STAU1: variants seen among roughly 807,000 people sequenced by gnomAD.
The protein encoded by STAU1 is staufen double-stranded RNA binding protein 1, also known as double-stranded RNA-binding protein Staufen homolog 1.
A neutral mutation model predicts 62.9 loss-of-function variants in STAU1; 13 were observed. That is an observed-to-expected ratio of 0.21 (90% CI 0.13 to 0.33). STAU1 has a LOEUF of 0.33. STAU1 is among the 10% of genes least tolerant of loss of function. The probability of loss-of-function intolerance (pLI) is 1.00; values close to 1 mark genes in which losing one functional copy is unlikely to be tolerated. For missense variants in STAU1, 571 were observed against 712.1 expected, an observed-to-expected ratio of 0.80 and a Z score of 2.25; for synonymous variants, 269 against 265.1, an observed-to-expected ratio of 1.01 and a Z score of -0.14.
At position 49,135,709 on chromosome 20, in the gene STAU1, C is replaced by A. The variant is rs79153528; in HGVS notation, c.609+124G>T. 3.5e-3 allele frequency: 2,597 copies of A among 744,150 alleles called. 49 individuals carry two copies. The African/African-American group carries it at 0.04, about 12-fold the overall frequency. 46.1% of individuals were successfully genotyped at this position (744,150 alleles called of 1,614,324 possible). ...GCTTCACTAAATATAAAGTATGAAT[C>A]TTAAATTTGGAGGTTCACATTATGT... On this transcript the variant is annotated intron_variant, in intron 6 of 13. Transcript: ENST00000371856.
chr20:49,114,800 A>G lies in STAU1; in HGVS notation c.*78T>C. 6.8e-7 allele frequency: 1 copy of G among 1,464,170 alleles called. No homozygotes were observed. Among genetic ancestry groups the G allele is most frequent in the Admixed American group, 1.7e-5 (1 of 57,284 alleles). 90.7% of individuals were successfully genotyped at this position (1,464,170 alleles called of 1,614,324 possible). A position where few individuals can be genotyped will look rare whatever the true frequency, so the allele number is the denominator to read the frequency against. On this transcript the variant is annotated 3_prime_UTR_variant, in exon 14 of 14. Transcript: ENST00000371856. ...TCTCGGCCCACTGGAGGTATCAGAAATTCCAAATTTTCAAAGCAGTTTCAG... is the reference window on the plus strand; with the variant it reads ...TCTCGGCCCACTGGAGGTATCAGAAGTTCCAAATTTTCAAAGCAGTTTCAG...
At chr20:49,143,161 G>A (rs533838122) in intron 5 of STAU1, among the ~76,000 whole-genome samples, 1 of 152,098 alleles carries the variant, frequency 6.6e-6, no homozygotes, top group Non-Finnish European at 1.5e-5. Flanking sequence ...GCAGCAAATG[G>A]TTCAAAACTA....
intron 3 of STAU1, among the ~76,000 whole-genome samples, chr20:49,157,553 C>T (rs1461703869): frequency 2.6e-5 from 4 of 151,862 alleles, no homozygotes; most frequent in African/African-American, 7.3e-5. Context: ...GATCTCAGCT[C>T]ACTGCAACCT....
chr20:49,158,579 G>A (rs2093400347), intron 3 of STAU1: 2 of 1,132,350 alleles, frequency 1.8e-6, no homozygotes, highest in Admixed American at 2.3e-5. Context: ...GGAGGCCAAG[G>A]CAGGCAGATC....
At chr20:49,203,439 T>A in the STAU1 span, among the ~76,000 whole-genome samples, 1 of 152,004 alleles carries the variant, frequency 6.6e-6, no homozygotes, top group Non-Finnish European at 1.5e-5. Flanking sequence ...TCAATAAAAT[T>A]GATAAGTTTC....
rs2093313266 is a variant in STAU1 at position 49,153,984 on chromosome 20, C to T, written c.293G>A (p.Arg98Gln). Reference sequence around the variant, plus strand: ...GTTGTAGTTATAGGTGGACTGCATCCGAGAGTAAGGGTCAACAGGCTTATA... The same window carrying T: ...GTTGTAGTTATAGGTGGACTGCATCTGAGAGTAAGGGTCAACAGGCTTATA... ...PMYKPVDPYS[R>Q]MQSTYNYNMR... The change falls in exon 4 of 14, where the codon CGG (arginine) becomes CAG (glutamine). Residue 98 changes from arginine to glutamine, a missense_variant. Arg to Gln is a conservative substitution (Grantham distance 43, BLOSUM62 1). Around this residue, in one of 3 missense-constraint regions of STAU1, gnomAD observed 414 missense variants for 499.6 expected, o/e 0.83. Coordinates refer to ENST00000371856, the MANE Select transcript of STAU1 (RefSeq NM_017453.4). The T allele has an allele frequency of 3.7e-6, 6 of 1,612,706 alleles. No homozygotes were observed. Among genetic ancestry groups the T allele is most frequent in the South Asian group, 1.1e-5 (1 of 90,932 alleles).
chr20:49,208,378 T>A, the STAU1 span, among the ~76,000 whole-genome samples: 3 of 151,902 alleles, frequency 2.0e-5, no homozygotes, highest in Non-Finnish European at 4.4e-5. Flanking sequence ...TTTTTTTGTA[T>A]TTTTAGTAGA....
At chr20:49,143,403 GC>G (rs1463336100) in intron 5 of STAU1, among the ~76,000 whole-genome samples, 5 of 152,050 alleles carry the variant, frequency 3.3e-5, no homozygotes, top group Admixed American at 1.3e-4. Flanking sequence ...ACCAGCCTGG[GC>G]AACATGGCAA....
At chr20:49,170,195 A>G (rs2093579229) in intron 2 of STAU1, among the ~76,000 whole-genome samples, 1 of 152,234 alleles carries the variant, frequency 6.6e-6, no homozygotes, top group Non-Finnish European at 1.5e-5. Context: ...GATTTAATAT[A>G]CAAGAAGGCA....
Position 49,118,334 on chromosome 20 carries a change from A to C in STAU1, c.1188T>G (p.Thr396=). 6.2e-7 allele frequency: 1 copy of C among 1,613,160 alleles called. No homozygotes were observed. The highest frequency in any genetic ancestry group is 1.1e-5 in the South Asian group (1 of 91,026). Residue 396 remains threonine (T), a splice_region_variant and synonymous_variant, in exon 10 of 14, where the codon ACT becomes ACG. Coordinates refer to ENST00000371856, the MANE Select transcript of STAU1 (RefSeq NM_017453.4). ...AGACGATATTAAGATCACACTTACTAGTCCCATTTTCATCCCCAGAGCCAG... is the reference window on the plus strand; with the variant it reads ...AGACGATATTAAGATCACACTTACTCGTCCCATTTTCATCCCCAGAGCCAG... ...FEPGSGDENG[T]SNKEDEFRMP...
At chr20:49,142,063 G>GAACAACAACAAC (rs71184265) in intron 5 of STAU1, among the ~76,000 whole-genome samples, 2 of 150,482 alleles carry the variant, frequency 1.3e-5, no homozygotes, top group Non-Finnish European at 3.0e-5. Context: ...ATCTCAACAA[G>GAACAACAACAAC]AACAACAACA....
intron 6 of STAU1, among the ~76,000 whole-genome samples, chr20:49,128,774 A>G (rs768639293): frequency 0.039 from 1,433 of 36,908 alleles, 11 homozygotes; most frequent in Non-Finnish European, 0.06. Flanking sequence ...ATCCAAATCC[A>G]AAAAAAAAAA....
chr20:49,176,884 TC>T (rs2093665994), intron 1 of STAU1, among the ~76,000 whole-genome samples: 1 of 151,102 alleles, frequency 6.6e-6, no homozygotes, highest in Non-Finnish European at 1.5e-5. Context: ...AAATTCCCTA[TC>T]CCCTATTCTG....
At chr20:49,185,839 T>C (rs1167441464) in intron 1 of STAU1, among the ~76,000 whole-genome samples, 3 of 152,158 alleles carry the variant, frequency 2.0e-5, no homozygotes, top group Non-Finnish European at 2.9e-5. Flanking sequence ...TTAGACATGC[T>C]TTATACTGCT....
At chr20:49,141,181 A>G (rs1021901084) in intron 5 of STAU1, among the ~76,000 whole-genome samples, 1 of 152,152 alleles carries the variant, frequency 6.6e-6, no homozygotes, top group African/African-American at 2.4e-5. Flanking sequence ...TTTATTTACA[A>G]CCTATTTCAA....
intron 5 of STAU1, among the ~76,000 whole-genome samples, chr20:49,141,855 G>A (rs2093014303): frequency 6.6e-6 from 1 of 152,118 alleles, no homozygotes; most frequent in Non-Finnish European, 1.5e-5. Context: ...TTTCCCAGCC[G>A]TGTTTTTAAA....
At chr20:49,137,010 G>A (rs1053731117) in intron 5 of STAU1, among the ~76,000 whole-genome samples, 1 of 152,034 alleles carries the variant, frequency 6.6e-6, no homozygotes, top group Non-Finnish European at 1.5e-5. Flanking sequence ...CACTTTAAGA[G>A]AATGCAGCCA....
At chr20:49,149,854 C>G (rs1452289627) in intron 5 of STAU1, among the ~76,000 whole-genome samples, 1 of 152,212 alleles carries the variant, frequency 6.6e-6, no homozygotes, top group East Asian at 1.9e-4. Flanking sequence ...TGGGTGGCAG[C>G]TGGATACAAC....
At chr20:49,148,474 A>T (rs889654339) in intron 5 of STAU1, among the ~76,000 whole-genome samples, 1 of 152,250 alleles carries the variant, frequency 6.6e-6, no homozygotes, top group African/African-American at 2.4e-5. Context: ...AAACACTTCT[A>T]GTCGCAAGCG....
Sources: allele counts gnomAD v4.1 joint callset (sites outside exome capture counted in the v4.1 genomes callset), GRCh38; gene constraint gnomAD v4.1.1; regional missense constraint gnomAD v4.1.1; transcripts MANE v1.5; gene names NCBI Gene and HGNC (gene_info 2026-07-23, HGNC 2026-07-21).